Variants in IDE observed in about 807,000 individuals in gnomAD.
The protein encoded by IDE is insulin-degrading enzyme.
IDE carries 58 observed loss-of-function variants against 133.2 expected under a neutral mutation model. The observed-to-expected ratio is 0.44, with a 90% CI of 0.35 to 0.54. The LOEUF (loss-of-function observed/expected upper bound fraction) is 0.54. Ranked by LOEUF, IDE falls within the 20% of genes least tolerant of loss-of-function variation. IDE has a pLI of 0.00. For synonymous variants in IDE, 396 were observed against 421.3 expected (o/e 0.94, Z 0.73); for missense variants, 981 against 1,234.0 (o/e 0.79, Z 3.07).
intron 19 of IDE, 150 bp from the exon 20 acceptor site, chr10:92,465,993 T>C: frequency 1.4e-6 from 1 of 692,492 alleles, no homozygotes; most frequent in Non-Finnish European, 2.4e-6. Flanking sequence ...TTCATTGATT[T>C]CACTTTTCTG....
intron 4 of IDE, among the ~76,000 whole-genome samples, chr10:92,518,903 G>T (rs1849067532): frequency 6.6e-6 from 1 of 152,130 alleles, no homozygotes; most frequent in Admixed American, 6.5e-5. Context: ...GGAGCAGGAA[G>T]GAAAATGCAA....
chr10:92,519,740 G>A (rs1434890418), intron 4 of IDE, among the ~76,000 whole-genome samples: 6 of 152,078 alleles, frequency 3.9e-5, no homozygotes, highest in Admixed American at 2.6e-4. Flanking sequence ...CCTCTCTTAC[G>A]CCTCAGTTTA....
At chr10:92,557,415 A>G (rs1047120324) in intron 1 of IDE, among the ~76,000 whole-genome samples, 1 of 152,146 alleles carries the variant, frequency 6.6e-6, no homozygotes, top group African/African-American at 2.4e-5. Flanking sequence ...GGGCGCCTGT[A>G]GTCCCAGCTA....
At position 92,515,023 on chromosome 10, in the gene IDE, C is replaced by A; in HGVS notation, c.681G>T (p.Glu227Asp). The A allele has an allele frequency of 6.2e-7, 1 of 1,608,078 alleles. No individual in the cohort carries two copies. Among genetic ancestry groups the A allele is most frequent in the Non-Finnish European group, 8.5e-7 (1 of 1,177,148 alleles). ...CAATGCCTTCTTGGTTTGGTCTAGT[C>A]TCCAGAGTATATTTGTTACCTGGAA... is the stretch of plus-strand genomic sequence containing the variant. ...KFGTGNKYTLETRPNQEGIDV... is the reference protein window; with the variant it reads ...KFGTGNKYTLDTRPNQEGIDV... The change falls in exon 5 of 25, where the codon GAG (glutamate) becomes GAT (aspartate). Residue 227 changes from glutamate to aspartate, a missense_variant. Around this residue, in one of 2 missense-constraint regions of IDE, gnomAD observed 321 missense variants for 339.3 expected, o/e 0.95. Transcript: ENST00000265986.
At chr10:92,564,807 T>C (rs1335429500) in intron 1 of IDE, among the ~76,000 whole-genome samples, 3 of 150,868 alleles carry the variant, frequency 2.0e-5, no homozygotes, top group African/African-American at 7.3e-5. Flanking sequence ...CCTGTAATCC[T>C]TGCTACTTGG....
chr10:92,460,127 A>G (rs1361571638), intron 22 of IDE, among the ~76,000 whole-genome samples: 7 of 152,016 alleles, frequency 4.6e-5, no homozygotes, highest in East Asian at 1.9e-4. Flanking sequence ...GTGAGCCACC[A>G]CGCCCAGCCG....
At chr10:92,550,173 A>G (rs765850863) in intron 1 of IDE, among the ~76,000 whole-genome samples, 41 of 151,972 alleles carry the variant, frequency 2.7e-4, no homozygotes, top group Admixed American at 2.3e-3. Flanking sequence ...TAAATAAGTA[A>G]ATAAATAAAT....
At chr10:92,511,694 A>T (rs192443668) in intron 5 of IDE, among the ~76,000 whole-genome samples, 1 of 151,778 alleles carries the variant, frequency 6.6e-6, no homozygotes, top group Non-Finnish European at 1.5e-5. Context: ...TTTTGCCTCA[A>T]TTTTTTTGAC....
chr10:92,463,885 GGTAATT>G lies in IDE; in HGVS notation c.2601_2606del (p.Leu867_Thr869delinsPhe). On this transcript the variant is annotated inframe_deletion, in exon 21 of 25. Coordinates refer to ENST00000265986, the MANE Select transcript of IDE (RefSeq NM_004969.4). ...TCATGTCCTCTATGGACTTTTCCAT[GGTAATT>G]AAGAAAGCTTCCACTCTGCTTTCTA... 1 of 1,614,120 alleles carries G rather than the reference GGTAATT, an allele frequency of 6.2e-7. No individual in the cohort carries two copies. Among genetic ancestry groups the G allele is most frequent in the Non-Finnish European group, 8.5e-7 (1 of 1,180,006 alleles).
Position 92,523,454 on chromosome 10 carries a change from AG to A in IDE, c.661+8293del, listed in dbSNP as rs557786659. On this transcript the variant is annotated intron_variant, in intron 4 of 24. Coordinates refer to ENST00000265986, the MANE Select transcript of IDE (RefSeq NM_004969.4). ...GCACAGTGGCTCACACCATAATCCT[AG>A]CACTCTGGGAGGCCAAGGCAGGCAA... Among the ~76,000 whole-genome samples the A allele has an allele frequency of 7.5e-3, 1,139 of 151,614 alleles. 16 individuals carry two copies. Among genetic ancestry groups the A allele is most frequent in the African/African-American group, 0.026 (1,088 of 41,302 alleles).
chr10:92,534,086 T>C (rs1855915), intron 3 of IDE, among the ~76,000 whole-genome samples: 149,923 of 152,190 alleles, frequency 0.99, 73,848 homozygotes, highest in East Asian at 1. Flanking sequence ...CCAGAAAACA[T>C]TCAAAATATC....
chr10:92,568,825 AAT>A (rs1453067703), intron 1 of IDE, among the ~76,000 whole-genome samples: 130 of 148,008 alleles, frequency 8.8e-4, no homozygotes, highest in African/African-American at 3.0e-3. Context: ...CAAAAAAAAA[AAT>A]AATAATAATA....
At chr10:92,486,114 C>T (rs1040429159) in intron 13 of IDE, among the ~76,000 whole-genome samples, 4 of 151,946 alleles carry the variant, frequency 2.6e-5, no homozygotes, top group Admixed American at 6.6e-5. Context: ...TTTGGGAGGC[C>T]GAGGCAGGTG....
At chr10:92,546,193 T>TA (rs1842527145) in intron 1 of IDE, among the ~76,000 whole-genome samples, 1 of 152,166 alleles carries the variant, frequency 6.6e-6, no homozygotes, top group African/African-American at 2.4e-5. Context: ...GAAGAGCAAG[T>TA]AAAATCAAGC....
intron 4 of IDE, among the ~76,000 whole-genome samples, chr10:92,526,094 A>G (rs938995710): frequency 6.6e-5 from 10 of 151,658 alleles, no homozygotes; most frequent in African/African-American, 2.4e-4. Context: ...TGGAGGTTGC[A>G]GTGAGCTGAG....
Position 92,479,338 on chromosome 10 carries a change from G to A in IDE, c.1823C>T (p.Ala608Val). 1 of 1,613,156 alleles carries A rather than the reference G, an allele frequency of 6.2e-7. No individual in the cohort carries two copies. Among genetic ancestry groups the A allele is most frequent in the Non-Finnish European group, 8.5e-7 (1 of 1,179,098 alleles). Residue 608 changes from alanine (A) to valine (V), a missense_variant, in exon 15 of 25, where the codon GCA (alanine) becomes GTA (valine). By Grantham distance (64) the Ala-to-Val change is moderately conservative. This residue lies in a region of IDE where 660 missense variants were observed against 894.7 expected (regional missense o/e 0.74). Coordinates refer to ENST00000265986, the MANE Select transcript of IDE (RefSeq NM_004969.4). ...ELLKDSLNEY[A>V]YAAELAGLSY... is the part of the protein sequence containing the mutation. ...CAAGCCTGCTAGCTCTGCTGCATAT[G>A]CATACTCGTTGAGTGAGTCTTTGAG...
At chr10:92,562,231 C>T (rs1421594325) in intron 1 of IDE, among the ~76,000 whole-genome samples, 7 of 152,212 alleles carry the variant, frequency 4.6e-5, no homozygotes, top group Non-Finnish European at 7.3e-5. Flanking sequence ...TACTGGTCTA[C>T]AGTGACCTCA....
At chr10:92,513,844 C>T (rs925871659) in intron 5 of IDE, among the ~76,000 whole-genome samples, 1 of 151,854 alleles carries the variant, frequency 6.6e-6, no homozygotes, top group Non-Finnish European at 1.5e-5. Flanking sequence ...GTGAACAAAA[C>T]AAAGTTTCTA....
At position 92,555,974 on chromosome 10, in the gene IDE, C is replaced by A. The variant is rs1227718178; in HGVS notation, c.98+17948G>T. Among the ~76,000 whole-genome samples the A allele has an allele frequency of 1.1e-4, 16 of 151,142 alleles. No homozygotes were observed. The East Asian group carries it at 3.2e-3, about 30-fold the overall frequency. Reference sequence around the variant, plus strand: ...GGATCACGAGGTCAGGAGATCGAGACCATCCTGGCTAACAAGGTGAAACCC... The same window carrying A: ...GGATCACGAGGTCAGGAGATCGAGAACATCCTGGCTAACAAGGTGAAACCC... On this transcript the variant is annotated intron_variant, in intron 1 of 24. Transcript: ENST00000265986.
Sources: gnomAD v4.1 joint callset for allele counts (sites outside exome capture counted in the v4.1 genomes callset) on GRCh38, gnomAD v4.1.1 for gene constraint, gnomAD v4.1.1 regional missense constraint, MANE v1.5 for transcripts, NCBI Gene and HGNC (gene_info 2026-07-23, HGNC 2026-07-21) for gene names.